Variants in CALCRL observed in about 807,000 individuals in gnomAD.
The protein encoded by CALCRL is calcitonin gene-related peptide type 1 receptor.
A neutral mutation model predicts 60.4 loss-of-function variants in CALCRL; 27 were observed. The observed-to-expected ratio is 0.45, with a 90% confidence interval of 0.33 to 0.62. The LOEUF (loss-of-function observed/expected upper bound fraction) is 0.62, where lower values mean the gene tolerates loss of function less well. Ranked by LOEUF, CALCRL falls within the 20% of genes least tolerant of loss-of-function variation. CALCRL has a pLI of 0.03. For synonymous variants in CALCRL, 190 were observed against 182.6 expected (o/e 1.04, Z -0.33); for missense variants, 424 against 540.7 (o/e 0.78, Z 2.14).
At chr2:187,379,127 T>G (rs868554887) in intron 7 of CALCRL, 96 bp from the exon 8 acceptor site, 3 of 653,270 alleles carry the variant, frequency 4.6e-6, no homozygotes, top group African/African-American at 1.8e-5. Context: ...TTGAATAAAC[T>G]ATATTTTTAG....
At chr2:187,356,305 G>T (rs1246075076) in intron 12 of CALCRL, among the ~76,000 whole-genome samples, 1 of 152,114 alleles carries the variant, frequency 6.6e-6, no homozygotes, top group East Asian at 1.9e-4. Context: ...TACCAAAACA[G>T]ATACATAGAC....
At chr2:187,415,556 A>G (rs1022621852) in intron 1 of CALCRL, 13 of 471,862 alleles carry the variant, frequency 2.8e-5, no homozygotes, top group East Asian at 9.2e-5. Context: ...AACTCTGCCA[A>G]TGTGTCAGTG....
chr2:187,351,732 T>C (rs1686541611), intron 14 of CALCRL, among the ~76,000 whole-genome samples, 188 bp downstream of exon 14: 1 of 151,848 alleles, frequency 6.6e-6, no homozygotes, highest in Non-Finnish European at 1.5e-5. Context: ...TGAACTCCAA[T>C]ATGACCTGAG....
At position 187,448,095 on chromosome 2, in the gene CALCRL, T is replaced by C. The variant is rs1691275536; in HGVS notation, c.-349A>G. 6.6e-6 allele frequency: 1 copy of C among 152,088 alleles called. No individual in the cohort carries two copies. The highest frequency in any genetic ancestry group is 6.6e-5 in the Admixed American group (1 of 15,236). The allele number at this position is 152,088 out of a possible 1,614,324, so 9.4% of individuals were successfully genotyped here. Reference sequence around the variant, plus strand: ...AATATTCTCAGGATGGAACTTTACTTTCTGAGATTCCGCAGAAGAGATTTA... The same window carrying C: ...AATATTCTCAGGATGGAACTTTACTCTCTGAGATTCCGCAGAAGAGATTTA... On this transcript the variant is annotated 5_prime_UTR_variant, in exon 1 of 15. Coordinates refer to ENST00000392370, the MANE Select transcript of CALCRL (RefSeq NM_005795.6).
intron 8 of CALCRL, among the ~76,000 whole-genome samples, chr2:187,376,936 A>G (rs1362199014): frequency 6.6e-6 from 1 of 152,122 alleles, no homozygotes; most frequent in Non-Finnish European, 1.5e-5. Context: ...GGTCTTCCAA[A>G]TGTTAATTAA....
chr2:187,359,064 A>G lies in CALCRL; in HGVS notation c.908T>C (p.Leu303Pro). The G allele has an allele frequency of 6.2e-7, 1 of 1,610,192 alleles. No homozygotes were observed. The highest frequency in any genetic ancestry group is 8.5e-7 in the Non-Finnish European group (1 of 1,176,482). Residue 303 changes from leucine to proline, a missense_variant and splice_region_variant, in exon 12 of 15, where the codon CTG (leucine) becomes CCG (proline). Physicochemically the swap from Leu to Pro is moderately conservative, Grantham distance 98. Coordinates refer to ENST00000392370, the MANE Select transcript of CALCRL (RefSeq NM_005795.6). The part of the protein sequence containing the change: ...IIHGPICAAL[L>P]VNLFFLLNIV... ...AGGAAAGGAGAATTTGTTACATACC[A>G]GTAAAGCAGCACAAATTGGGCCATG...
At chr2:187,373,115 A>C (rs1038771705) in intron 8 of CALCRL, among the ~76,000 whole-genome samples, 2 of 152,198 alleles carry the variant, frequency 1.3e-5, no homozygotes, top group African/African-American at 4.8e-5. Flanking sequence ...CTTCAAAGCC[A>C]GTTCATGTCT....
At chr2:187,440,215 G>C in intron 1 of CALCRL, among the ~76,000 whole-genome samples, 1 of 146,562 alleles carries the variant, frequency 6.8e-6, no homozygotes, top group East Asian at 2.0e-4. Context: ...ATGTCCAGAC[G>C]AAAAAAAAAA....
chr2:187,413,572 G>A (rs1689460051), intron 1 of CALCRL, among the ~76,000 whole-genome samples: 1 of 152,134 alleles, frequency 6.6e-6, no homozygotes, highest in Non-Finnish European at 1.5e-5. Flanking sequence ...TAAGTCCCCA[G>A]CAAACGATAG....
intron 1 of CALCRL, among the ~76,000 whole-genome samples, chr2:187,429,610 T>C (rs1236665863): frequency 6.6e-6 from 1 of 152,210 alleles, no homozygotes; most frequent in African/African-American, 2.4e-5. Flanking sequence ...CAAACTGCAA[T>C]CATAGTTCTC....
chr2:187,353,378 A>G (rs573858303), intron 12 of CALCRL, among the ~76,000 whole-genome samples: 1 of 151,990 alleles, frequency 6.6e-6, no homozygotes, highest in Non-Finnish European at 1.5e-5. Context: ...CTATGCACCA[A>G]ATATAATTTA....
In CALCRL at chr2:187,378,636, G is replaced by A. The variant is rs117335260; in HGVS notation, c.500+304C>T. Among the ~76,000 whole-genome samples, 26 of 152,078 alleles carry A rather than the reference G, an allele frequency of 1.7e-4. No individual in the cohort carries two copies. The East Asian group carries it at 5.0e-3, about 29-fold the overall frequency. On this transcript the variant is annotated intron_variant, in intron 8 of 14. Transcript: ENST00000392370. ...CAAAAGCTAAACACACAATTAAGAAGGCCTATACTATTTAACAGTTCCCAA... is the reference window on the plus strand; with the variant it reads ...CAAAAGCTAAACACACAATTAAGAAAGCCTATACTATTTAACAGTTCCCAA...
At chr2:187,377,901 A>C (rs1348677458) in intron 8 of CALCRL, among the ~76,000 whole-genome samples, 1 of 152,104 alleles carries the variant, frequency 6.6e-6, no homozygotes, top group African/African-American at 2.4e-5. Flanking sequence ...ATGAAATAAA[A>C]CTAGAAAAAT....
intron 1 of CALCRL, among the ~76,000 whole-genome samples, chr2:187,422,548 A>G (rs1222148824): frequency 1.3e-5 from 2 of 152,166 alleles, no homozygotes; most frequent in Non-Finnish European, 2.9e-5. Context: ...GGCATTGTGC[A>G]AGAGAAGGTT....
chr2:187,354,407 T>C (rs1686676317), intron 12 of CALCRL, among the ~76,000 whole-genome samples: 1 of 151,926 alleles, frequency 6.6e-6, no homozygotes, highest in East Asian at 1.9e-4. Flanking sequence ...CAACTTCCCC[T>C]CAACAGGATC....
rs116008682 is a variant in CALCRL at position 187,403,191 on chromosome 2, A to G, written c.-292-15435T>C. Among the ~76,000 whole-genome samples the G allele has an allele frequency of 7.0e-3, 1,059 of 152,022 alleles. 13 individuals are homozygous for G. The highest frequency in any genetic ancestry group is 0.024 in the African/African-American group (1,013 of 41,530). On this transcript the variant is annotated intron_variant, in intron 1 of 14. Coordinates refer to ENST00000392370, the MANE Select transcript of CALCRL (RefSeq NM_005795.6). ...CTGGTATGATGCAGAAAAATATTTA[A>G]AAGAGTTATTTTAAAAGGTTTCGTG...
Position 187,359,201 on chromosome 2 carries a change from G to T in CALCRL, c.842+11C>A, listed in dbSNP as rs1686936619. 6.3e-7 allele frequency: 1 copy of T among 1,593,348 alleles called. No individual in the cohort carries two copies. Among genetic ancestry groups the T allele is most frequent in the East Asian group, 2.3e-5 (1 of 43,886 alleles). ...TATTCCAGTAGAAATAATAAAAAGA[G>T]ATTTTCTTACTTGTCATTGTAATAT... On this transcript the variant is annotated intron_variant, in intron 11 of 14. Coordinates refer to ENST00000392370, the MANE Select transcript of CALCRL (RefSeq NM_005795.6).
At position 187,383,189 on chromosome 2, in the gene CALCRL, G is replaced by T; in HGVS notation, c.168C>A (p.Pro56=). 1 of 1,608,688 alleles carries T rather than the reference G, an allele frequency of 6.2e-7. No homozygotes were observed. Among genetic ancestry groups the T allele is most frequent in the East Asian group, 2.2e-5 (1 of 44,652 alleles). ...YECYQKIMQD[P]IQQAEGVYCN... Reference sequence around the variant, plus strand: ...CATGCTTACCTTCTGCTTGTTGAATGGGGTCTTGCATAATCTTTTGGTAAC... The same window carrying T: ...CATGCTTACCTTCTGCTTGTTGAATTGGGTCTTGCATAATCTTTTGGTAAC... The change falls in exon 5 of 15, where the codon CCC becomes CCA. Residue 56 remains proline, a synonymous_variant. Coordinates refer to ENST00000392370, the MANE Select transcript of CALCRL (RefSeq NM_005795.6).
chr2:187,388,883 T>A (rs1305600969), intron 1 of CALCRL, among the ~76,000 whole-genome samples: 10 of 152,088 alleles, frequency 6.6e-5, no homozygotes, highest in Admixed American at 5.9e-4. Flanking sequence ...AAATCACTGT[T>A]TGGTGTTTAA....
Sources: allele counts gnomAD v4.1 joint callset (sites outside exome capture counted in the v4.1 genomes callset), GRCh38; gene constraint gnomAD v4.1.1; transcripts MANE v1.5; gene names NCBI Gene and HGNC (gene_info 2026-07-23, HGNC 2026-07-21).